The following NPC1 variants were observed in gnomAD, a reference collection of about 807,000 sequenced individuals.
NPC1 encodes the protein Niemann-Pick C1 protein.
Under a neutral mutation model 140.4 loss-of-function variants are expected in NPC1, and 85 were observed. That is an observed-to-expected ratio of 0.61 (90% CI 0.51 to 0.72). NPC1 has a LOEUF of 0.72. Ranked by LOEUF, NPC1 falls within the 30% of genes least tolerant of loss-of-function variation. The pLI, the probability that NPC1 is intolerant of heterozygous loss-of-function variation, is 0.00. For missense variants in NPC1, 1,504 were observed against 1,623.8 expected, an observed-to-expected ratio of 0.93 and a Z score of 1.27; for synonymous variants, 656 against 624.8, an observed-to-expected ratio of 1.05 and a Z score of -0.74.
chr18:23,557,744 A>AAAACAAAC (rs10593231), intron 6 of NPC1, among the ~76,000 whole-genome samples: 2 of 152,008 alleles, frequency 1.3e-5, no homozygotes, highest in Non-Finnish European at 2.9e-5. Flanking sequence ...CCATCTCAAA[A>AAAACAAAC]AAACAAACAA....
rs1210436313 is a variant in NPC1 at position 23,575,742 on chromosome 18, A to T, written c.58-2168T>A. Among the ~76,000 whole-genome samples the T allele has an allele frequency of 5.6e-5, 8 of 144,060 alleles. No individual in the cohort carries two copies. The East Asian group carries it at 1.6e-3, about 29-fold the overall frequency. The allele number at this position is 144,060 out of a possible 152,430, so 94.5% of individuals were successfully genotyped here. On this transcript the variant is annotated intron_variant, in intron 1 of 24. Transcript: ENST00000269228. ...ATTCAGGTTTGCTTCTCAAAAGGTC[A>T]TCTTCTAGAGACACAGCAGAGAAGA...
downstream of NPC1, among the ~76,000 whole-genome samples, chr18:23,525,350 C>T (rs920218113): frequency 1.2e-4 from 18 of 152,204 alleles, no homozygotes; most frequent in East Asian, 1.9e-4. Context: ...TGGGCTCAGG[C>T]GATCCTCCTG....
Position 23,586,445 on chromosome 18 carries a change from G to C in NPC1, c.-102C>G, listed in dbSNP as rs771415433. On this transcript the variant is annotated 5_prime_UTR_variant, in exon 1 of 25. Coordinates refer to ENST00000269228, the MANE Select transcript of NPC1 (RefSeq NM_000271.5). ...GGCTGTTTCAGCACCCCGCGCAGGA[G>C]GAGCGGAGGAGCAGGAGCAGGCGCT... 1.1e-5 allele frequency: 17 copies of C among 1,502,278 alleles called. No individual in the cohort carries two copies. The South Asian group carries it at 1.5e-4, about 13-fold the overall frequency. 93.1% of individuals were successfully genotyped at this position (1,502,278 alleles called of 1,614,324 possible).
Position 23,544,546 on chromosome 18 carries a change from C to A in NPC1, c.1948-20G>T. On this transcript the variant is annotated intron_variant, in intron 12 of 24. Coordinates refer to ENST00000269228, the MANE Select transcript of NPC1 (RefSeq NM_000271.5). ...ATCCACCTGAGAGAGGCGACAGACA[C>A]AATCACCAATTAGTTACAGGGTTGT... The A allele has an allele frequency of 6.2e-7, 1 of 1,612,354 alleles. No individual in the cohort carries two copies. The highest frequency in any genetic ancestry group is 2.2e-5 in the East Asian group (1 of 44,882).
chr18:23,518,770 G>A (rs1300383182), downstream of NPC1: 3 of 835,380 alleles, frequency 3.6e-6, no homozygotes, highest in African/African-American at 5.1e-5. Flanking sequence ...GTAAACACTT[G>A]TTGGCAGCAA....
At chr18:23,530,843 A>G (rs919587669), downstream of NPC1, among the ~76,000 whole-genome samples, 5 of 152,190 alleles carry the variant, frequency 3.3e-5, no homozygotes, top group African/African-American at 1.2e-4. Flanking sequence ...GTCAAGACAC[A>G]TTTAGGACCC....
intron 2 of NPC1, 95 bp from the exon 3 acceptor site, chr18:23,572,275 C>A: frequency 1.2e-6 from 1 of 810,808 alleles, no homozygotes; most frequent in East Asian, 2.6e-5. Context: ...TCATGTAATC[C>A]TTTTGAAGTA....
At chr18:23,569,263 T>C (rs1055147011) in intron 3 of NPC1, among the ~76,000 whole-genome samples, 1 of 152,254 alleles carries the variant, frequency 6.6e-6, no homozygotes, top group Non-Finnish European at 1.5e-5. Flanking sequence ...TTCTGCACTT[T>C]ATAATTTAGA....
At chr18:23,561,212 A>G (rs2059033551) in intron 5 of NPC1, 148 bp downstream of exon 5, 27 of 814,164 alleles carry the variant, frequency 3.3e-5, no homozygotes, top group Non-Finnish European at 2.4e-5. Flanking sequence ...GGGCCTCACT[A>G]CATTGCCCAG....
chr18:23,534,446 G>T lies in NPC1; in HGVS notation c.3591C>A (p.Ser1197=). The T allele has an allele frequency of 6.2e-7, 1 of 1,609,118 alleles. No individual in the cohort carries two copies. The change falls in exon 23 of 25, where the codon TCC becomes TCA. Residue 1197 remains serine, a splice_region_variant and synonymous_variant. Transcript: ENST00000269228. ...AEEALAHMGS[S]VFSGITLTKF... is the part of the protein sequence containing the mutation. Reference sequence around the variant, plus strand: ...GCGTGGCCCTGCTCAGGGTACTCACGGAGCTGCCCATGTGGGCAAGTGCCT... The same window carrying T: ...GCGTGGCCCTGCTCAGGGTACTCACTGAGCTGCCCATGTGGGCAAGTGCCT...
At chr18:23,536,496 G>A (rs1392512702) in intron 21 of NPC1, among the ~76,000 whole-genome samples, 177 bp downstream of exon 21, 3 of 152,186 alleles carry the variant, frequency 2.0e-5, no homozygotes, top group Non-Finnish European at 4.4e-5. Context: ...AGAGACTTTA[G>A]ATTCTGAACT....
intron 2 of NPC1, 100 bp from the exon 3 acceptor site, chr18:23,572,280 G>A: frequency 1.3e-6 from 1 of 795,172 alleles, no homozygotes; most frequent in Non-Finnish European, 2.2e-6. Flanking sequence ...TAATCCTTTT[G>A]AAGTACAAAA....
intron 21 of NPC1, 110 bp from the exon 22 acceptor site, chr18:23,535,810 G>C: frequency 1.3e-6 from 1 of 781,146 alleles, no homozygotes; most frequent in Non-Finnish European, 2.2e-6. Flanking sequence ...AACATCCCTT[G>C]CAGAAAACCT....
chr18:23,525,952 C>T (rs1475858370), downstream of NPC1, among the ~76,000 whole-genome samples: 1 of 152,238 alleles, frequency 6.6e-6, no homozygotes, highest in Non-Finnish European at 1.5e-5. Flanking sequence ...CCCATAGCCT[C>T]ATGTGACATC....
intron 2 of NPC1, among the ~76,000 whole-genome samples, chr18:23,572,866 A>AGGAACTCT (rs2059223557): frequency 6.6e-6 from 1 of 152,198 alleles, no homozygotes; most frequent in Non-Finnish European, 1.5e-5. Flanking sequence ...GAAACGAACA[A>AGGAACTCT]GTGAGCCTAG....
chr18:23,572,816 G>A (rs1012544519), intron 2 of NPC1, among the ~76,000 whole-genome samples: 4 of 152,180 alleles, frequency 2.6e-5, no homozygotes, highest in Admixed American at 2.6e-4. Flanking sequence ...CTTCAGCCAG[G>A]ATAAAAGAGC....
downstream of NPC1, chr18:23,529,124 C>A: frequency 6.3e-7 from 1 of 1,584,180 alleles, no homozygotes. Context: ...GAACTGTAAA[C>A]AGCACCCTTC....
downstream of NPC1, chr18:23,529,183 T>C (rs764625487): frequency 3.1e-6 from 5 of 1,609,562 alleles, no homozygotes; most frequent in African/African-American, 5.4e-5. Context: ...TTTCAGGCGG[T>C]GGAAGCAGGG....
At chr18:23,509,854 C>T (rs544783234) in intron 3 of NPC1, among the ~76,000 whole-genome samples, 3 of 151,226 alleles carry the variant, frequency 2.0e-5, no homozygotes, top group East Asian at 2.0e-4. Flanking sequence ...CCACTGCGCC[C>T]GGCCCTGGCT....
Sources: gnomAD v4.1 joint callset for allele counts (sites outside exome capture counted in the v4.1 genomes callset) on GRCh38, gnomAD v4.1.1 for gene constraint, MANE v1.5 for transcripts, NCBI Gene and HGNC (gene_info 2026-07-23, HGNC 2026-07-21) for gene names.